The following XKRX variants were observed in gnomAD, a reference collection of about 807,000 sequenced individuals.
XKRX encodes XK-related protein 2.
XKRX carries 11 observed loss-of-function variants against 22.4 expected under a neutral mutation model. That is an observed-to-expected ratio of 0.49 (90% CI 0.31 to 0.81). The LOEUF is 0.81. Among genes scored for constraint, XKRX ranks in the 40% least tolerant of loss-of-function variants. The pLI is 0.05. For missense variants in XKRX, 320 were observed against 336.5 expected, an observed-to-expected ratio of 0.95 and a Z score of 0.38; for synonymous variants, 114 against 132.2, an observed-to-expected ratio of 0.86 and a Z score of 0.94.
chrX:100,910,792 G>C, downstream of XKRX: 5 of 779,236 alleles, frequency 6.4e-6, no homozygotes, highest in Non-Finnish European at 9.8e-6. Context: ...GAGAAAGAAG[G>C]AAAGTCGAGA....
At chrX:100,908,138 T>TGTGTGTGTGTGTGTGTGTGTG in the XKRX span, among the ~76,000 whole-genome samples, 5 of 109,181 alleles carry the variant, frequency 4.6e-5, no homozygotes, top group African/African-American at 6.7e-5. Flanking sequence ...TGTGTGTGTG[T>TGTGTGTGTGTGTGTGTGTGTG]TTGAAACGGA....
At chrX:100,939,022 GT>G in the XKRX span, among the ~76,000 whole-genome samples, 4 of 111,816 alleles carry the variant, frequency 3.6e-5, no homozygotes, top group Non-Finnish European at 7.5e-5. Flanking sequence ...AGCTCTGTAT[GT>G]GCTGATATGA....
intron 1 of XKRX, among the ~76,000 whole-genome samples, chrX:100,926,416 A>G (rs2085498094): frequency 8.9e-6 from 1 of 112,404 alleles, no homozygotes. Flanking sequence ...ATTTATTGAT[A>G]AAAAATTTTT....
the XKRX span, among the ~76,000 whole-genome samples, chrX:100,955,090 A>G: frequency 8.9e-6 from 1 of 112,252 alleles, no homozygotes; most frequent in Non-Finnish European, 1.9e-5. Context: ...TAAAACTGTT[A>G]TTTTAAAAAA....
chrX:100,944,767 A>G, the XKRX span, among the ~76,000 whole-genome samples: 5 of 112,001 alleles, frequency 4.5e-5, no homozygotes, highest in Non-Finnish European at 9.4e-5. Flanking sequence ...TTGAACTCCA[A>G]CCACAAAAAA....
chrX:100,950,568 C>T, the XKRX span, among the ~76,000 whole-genome samples: 3 of 112,141 alleles, frequency 2.7e-5, no homozygotes, highest in African/African-American at 9.7e-5. Context: ...TTTCACCCAC[C>T]AACAGCAGAG....
At chrX:100,948,566 C>G in the XKRX span, among the ~76,000 whole-genome samples, 2 of 112,457 alleles carry the variant, frequency 1.8e-5, no homozygotes, top group African/African-American at 6.5e-5. Context: ...AAAAGAGCCC[C>G]TTTCTGTTTC....
rs749763658 is a variant in XKRX, at chrX:100,915,688, C to CTGTGTGTG, written c.605-613_605-606dup. Among the ~76,000 whole-genome samples, 305 of 102,461 alleles carry CTGTGTGTG rather than the reference C, an allele frequency of 3.0e-3. 1 individual carries two copies. Among genetic ancestry groups the CTGTGTGTG allele is most frequent in the African/African-American group, 0.01 (283 of 27,974 alleles). 89.0% of individuals were successfully genotyped at this position (102,461 alleles called of 115,157 possible). The stretch of plus-strand genomic sequence containing the variant: ...GATAAAGAAAATCTGGTGGGTGTGT[C>CTGTGTGTG]TGTGTGTGTGTGTGTGTGTGCGTGT... On this transcript the variant is annotated intron_variant, in intron 2 of 2. Coordinates refer to ENST00000372956, the MANE Select transcript of XKRX (RefSeq NM_212559.3).
intron 1 of XKRX, among the ~76,000 whole-genome samples, chrX:100,924,813 C>T (rs1372363047): frequency 1.8e-5 from 2 of 111,626 alleles, no homozygotes; most frequent in Admixed American, 1.9e-4. Context: ...ATAATAACAG[C>T]AATGAAATTT....
At chrX:100,917,686 G>GAAAGAAAGAA (rs1569454769) in intron 2 of XKRX, among the ~76,000 whole-genome samples, 17 of 91,943 alleles carry the variant, frequency 1.8e-4, no homozygotes, top group African/African-American at 7.8e-4. Flanking sequence ...AAGAAAGAAA[G>GAAAGAAAGAA]AAAGAAAGAA....
the XKRX span, among the ~76,000 whole-genome samples, chrX:100,958,564 A>G: frequency 6.2e-5 from 7 of 112,368 alleles, no homozygotes; most frequent in Admixed American, 6.6e-4. Context: ...CAAATGGTAT[A>G]CCACAAGGTC....
At chrX:100,911,107 A>T, downstream of XKRX, 1 of 572,024 alleles carries the variant, frequency 1.7e-6, no homozygotes, top group Non-Finnish European at 3.2e-6. Context: ...CAAAAGTATT[A>T]AAAGTTATTC....
At chrX:100,918,147 T>C (rs1428040120) in intron 2 of XKRX, among the ~76,000 whole-genome samples, 1 of 112,264 alleles carries the variant, frequency 8.9e-6, no homozygotes, top group African/African-American at 3.2e-5. Flanking sequence ...TTAAAACACT[T>C]GATGTAGGGA....
At chrX:100,955,343 T>C in the XKRX span, among the ~76,000 whole-genome samples, 1 of 111,903 alleles carries the variant, frequency 8.9e-6, no homozygotes, top group Non-Finnish European at 1.9e-5. Context: ...TTCCTTATAC[T>C]ATTTTTACAA....
At chrX:100,903,068 A>C in the XKRX span, among the ~76,000 whole-genome samples, 21 of 110,177 alleles carry the variant, frequency 1.9e-4, no homozygotes, top group Non-Finnish European at 3.6e-4. Context: ...TATTTAAAAA[A>C]AAAAACAAAA....
chrX:100,922,698 C>T, intron 2 of XKRX, 95 bp downstream of exon 2: 1 of 887,784 alleles, frequency 1.1e-6, no homozygotes, highest in African/African-American at 2.0e-5. Flanking sequence ...TAAATAGCCA[C>T]ATGAAGCTAG....
chrX:100,915,707 T>TGC (rs1556190722), intron 2 of XKRX, among the ~76,000 whole-genome samples: 5 of 94,873 alleles, frequency 5.3e-5, no homozygotes, highest in African/African-American at 2.2e-4. Flanking sequence ...TGTGTGTGTG[T>TGC]GCGTGTGTGT....
chrX:100,910,006 C>T (rs2085401874), downstream of XKRX, among the ~76,000 whole-genome samples: 1 of 109,272 alleles, frequency 9.2e-6, no homozygotes, highest in African/African-American at 3.3e-5. Flanking sequence ...TTTAGTTCTC[C>T]CACAGTGCCT....
At chrX:100,936,933 C>T in the XKRX span, among the ~76,000 whole-genome samples, 41 of 109,072 alleles carry the variant, frequency 3.8e-4, 1 homozygote, top group Non-Finnish European at 6.9e-4. Flanking sequence ...AGAGCCAAAC[C>T]ATGTCAGGTT....
Sources: gnomAD v4.1 joint callset for allele counts (sites outside exome capture counted in the v4.1 genomes callset) on GRCh38, gnomAD v4.1.1 for gene constraint, MANE v1.5 for transcripts, NCBI Gene and HGNC (gene_info 2026-07-23, HGNC 2026-07-21) for gene names.